The following TRIM26 variants were observed in gnomAD, a reference collection of about 807,000 sequenced individuals.
The protein encoded by TRIM26 is tripartite motif containing 26.
In TRIM26, 16 loss-of-function variants were observed where a neutral mutation model predicts 45.5. That is an observed-to-expected ratio of 0.35 (90% CI 0.24 to 0.53). TRIM26 has a LOEUF of 0.53. TRIM26 is among the 20% of genes least tolerant of loss of function. The probability of loss-of-function intolerance (pLI) is 0.92; values close to 1 mark genes in which losing one functional copy is unlikely to be tolerated. For missense variants in TRIM26, 442 were observed against 691.1 expected (o/e 0.64, Z 4.04); for synonymous variants, 273 against 290.4 (o/e 0.94, Z 0.61).
At position 30,190,110 on chromosome 6, in the gene TRIM26, T is replaced by C. The variant is rs190254962; in HGVS notation, c.766-75A>G. ...TTCAATGCATCTGCACCCAACACTG[T>C]AGCAGAGATGGGACATATCAGTGAA... On this transcript the variant is annotated intron_variant, in intron 6 of 9. Transcript: ENST00000454678. This position sits in a 1 kb window ranked among gnomAD's most constrained non-coding sequence, Gnocchi z 4.3. 4.0e-6 allele frequency: 6 copies of C among 1,485,904 alleles called. No homozygotes were observed. Among genetic ancestry groups the C allele is most frequent in the South Asian group, 1.1e-5 (1 of 87,338 alleles). The allele number at this position is 1,485,904 out of a possible 1,614,324, so 92.0% of individuals were successfully genotyped here.
rs1363796385 is a variant in TRIM26, at chr6:30,186,239, C to T, written c.1257G>A (p.Leu419=). ...DWETDEDEES[L]GDEEEEEEEE... The stretch of plus-strand genomic sequence containing the variant: ...CCTCCTCTTCTTCCTCTTCATCGCC[C>T]AACGATTCCTCATCTTCGTCCGTTT... The change falls in exon 10 of 10, where the codon TTG becomes TTA. Residue 419 remains leucine, a synonymous_variant. Coordinates refer to ENST00000454678, the MANE Select transcript of TRIM26 (RefSeq NM_003449.5). This position sits in a 1 kb window ranked among gnomAD's most constrained non-coding sequence, Gnocchi z 7.4. 3 of 1,600,068 alleles carry T rather than the reference C, an allele frequency of 1.9e-6. No individual in the cohort carries two copies. The highest frequency in any genetic ancestry group is 2.6e-6 in the Non-Finnish European group (3 of 1,173,058).
Position 30,189,855 on chromosome 6 carries a change from T to A in TRIM26, c.788+158A>T, listed in dbSNP as rs144407728. On this transcript the variant is annotated intron_variant, in intron 7 of 9. Transcript: ENST00000454678. The surrounding 1 kb of genome is among the most constrained non-coding windows in gnomAD (Gnocchi z 5.0). ...AGGAGAGCAAGTCTCCAGTTCTCAA[T>A]GATGTGTCCTGCTCCTCAGAAGGGC... is the stretch of plus-strand genomic sequence containing the variant. 1 of 828,082 alleles carries A rather than the reference T, an allele frequency of 1.2e-6. No homozygotes were observed. The allele number at this position is 828,082 out of a possible 1,614,324, so 51.3% of individuals were successfully genotyped here.
Position 30,190,140 on chromosome 6 carries a change from A to G in TRIM26, c.766-105T>C. On this transcript the variant is annotated intron_variant, in intron 6 of 9. Transcript: ENST00000454678. This position sits in a 1 kb window ranked among gnomAD's most constrained non-coding sequence, Gnocchi z 4.3. ...GAGATGGGACATATCAGTGAACAAA[A>G]CAAATGTGGTCCCTTTTTTATGGAG... The G allele has an allele frequency of 7.9e-7, 1 of 1,258,272 alleles. No homozygotes were observed. Among genetic ancestry groups the G allele is most frequent in the Non-Finnish European group, 1.1e-6 (1 of 875,284 alleles). The allele number at this position is 1,258,272 out of a possible 1,614,324, so 77.9% of individuals were successfully genotyped here.
intron 6 of TRIM26, among the ~76,000 whole-genome samples, chr6:30,195,050 C>T (rs1490380907): frequency 6.6e-6 from 1 of 152,178 alleles, no homozygotes; most frequent in Non-Finnish European, 1.5e-5. Context: ...CTCTCCCTTC[C>T]CTTGACCTTA....
Position 30,196,471 on chromosome 6 carries a change from C to T in TRIM26, c.765+45G>A. On this transcript the variant is annotated intron_variant, in intron 6 of 9. Transcript: ENST00000454678. The surrounding 1 kb of genome is among the most constrained non-coding windows in gnomAD (Gnocchi z 4.9). Reference sequence around the variant, plus strand: ...TGCAAGTGAATGGCAGGGCTGGGACCCACCGTCCTGGTCCCTGGCGCCCTG... The same window carrying T: ...TGCAAGTGAATGGCAGGGCTGGGACTCACCGTCCTGGTCCCTGGCGCCCTG... The T allele has an allele frequency of 6.3e-7, 1 of 1,579,710 alleles. No homozygotes were observed. The highest frequency in any genetic ancestry group is 8.6e-7 in the Non-Finnish European group (1 of 1,163,322).
At chr6:30,199,824 G>C (rs1776949559) in intron 3 of TRIM26, among the ~76,000 whole-genome samples, 1 of 152,094 alleles carries the variant, frequency 6.6e-6, no homozygotes, top group Non-Finnish European at 1.5e-5. Context: ...TTTTAGTAGA[G>C]ACGGGGTTTC....
intron 6 of TRIM26, among the ~76,000 whole-genome samples, chr6:30,195,223 C>A (rs760223806): frequency 2.6e-5 from 4 of 152,102 alleles, no homozygotes; most frequent in Admixed American, 2.0e-4. Context: ...CTCTGTTCCA[C>A]ACAGTAGGCA....
chr6:30,208,973 C>G (rs1159433259), intron 1 of TRIM26, among the ~76,000 whole-genome samples: 1 of 147,744 alleles, frequency 6.8e-6, no homozygotes, highest in African/African-American at 2.5e-5. Flanking sequence ...CAAAAGGAAA[C>G]AGCATGAGAC....
chr6:30,185,762 T>C lies in TRIM26; in HGVS notation c.*114A>G. The C allele has an allele frequency of 8.2e-7, 1 of 1,219,874 alleles. No homozygotes were observed. 75.6% of individuals were successfully genotyped at this position (1,219,874 alleles called of 1,614,324 possible). ...ATGGGGAGGTGGCTACCAGTGGATA[T>C]GGGGTCCCCTGCTCCAGGTGCTTAG... On this transcript the variant is annotated 3_prime_UTR_variant, in exon 10 of 10. Transcript: ENST00000454678. The surrounding 1 kb of genome is among the most constrained non-coding windows in gnomAD (Gnocchi z 5.7).
At chr6:30,192,618 A>G (rs1409815518) in intron 6 of TRIM26, among the ~76,000 whole-genome samples, 3 of 152,000 alleles carry the variant, frequency 2.0e-5, no homozygotes, top group Admixed American at 2.0e-4. Context: ...GGTTCAAGCA[A>G]TCTGCCTGCC....
In TRIM26 at chr6:30,198,702, C is replaced by A. The variant is rs183267280; in HGVS notation, c.402G>T (p.Thr134=). The change falls in exon 4 of 10, where the codon ACG becomes ACT. Residue 134 remains threonine (T), a synonymous_variant. Transcript: ENST00000454678. This position sits in a 1 kb window ranked among gnomAD's most constrained non-coding sequence, Gnocchi z 6.3. ...CRESREHRPH[T]AVLMEKAAQP... Reference sequence around the variant, plus strand: ...GGGCGGCCTTCTCCATGAGGACGGCCGTGTGGGGCCTGTGCTCCCGGGACT... The same window carrying A: ...GGGCGGCCTTCTCCATGAGGACGGCAGTGTGGGGCCTGTGCTCCCGGGACT... 1 of 1,605,000 alleles carries A rather than the reference C, an allele frequency of 6.2e-7. No individual in the cohort carries two copies. Among genetic ancestry groups the A allele is most frequent in the East Asian group, 2.2e-5 (1 of 44,844 alleles).
At chr6:30,210,526 T>C (rs1778179523) in intron 1 of TRIM26, among the ~76,000 whole-genome samples, 1 of 152,212 alleles carries the variant, frequency 6.6e-6, no homozygotes, top group Admixed American at 6.5e-5. Flanking sequence ...ATTTCTACAA[T>C]AGCACTATCA....
In TRIM26 at chr6:30,198,392, G is replaced by A. The variant is rs1344918319; in HGVS notation, c.534+37C>T. 5.0e-6 allele frequency: 8 copies of A among 1,609,780 alleles called. No individual in the cohort carries two copies. The highest frequency in any genetic ancestry group is 3.7e-4 in the Middle Eastern group (2 of 5,374). On this transcript the variant is annotated intron_variant, in intron 5 of 9. Coordinates refer to ENST00000454678, the MANE Select transcript of TRIM26 (RefSeq NM_003449.5). This position sits in a 1 kb window ranked among gnomAD's most constrained non-coding sequence, Gnocchi z 6.3. ...CAGGCTCACCCTGCCCTACACGGGC[G>A]CACCGCCTCAGGGCTTCCTGAAACA...
chr6:30,203,734 T>C (rs1346650593), intron 2 of TRIM26, among the ~76,000 whole-genome samples: 1 of 151,910 alleles, frequency 6.6e-6, no homozygotes, highest in Non-Finnish European at 1.5e-5. Flanking sequence ...CCTGTATTTC[T>C]AGGCAATGGA....
At position 30,198,185 on chromosome 6, in the gene TRIM26, G is replaced by A. The variant is rs191317280; in HGVS notation, c.534+244C>T. Among the ~76,000 whole-genome samples, 4 of 152,196 alleles carry A rather than the reference G, an allele frequency of 2.6e-5. No homozygotes were observed. Among genetic ancestry groups the A allele is most frequent in the Admixed American group, 6.5e-5 (1 of 15,282 alleles). ...CTTCAAGGTGACAGTCACAGAAAAC[G>A]GAAGGGACTCTAGCTGACATCCAGG... On this transcript the variant is annotated intron_variant, in intron 5 of 9. Coordinates refer to ENST00000454678, the MANE Select transcript of TRIM26 (RefSeq NM_003449.5). This position sits in a 1 kb window ranked among gnomAD's most constrained non-coding sequence, Gnocchi z 6.3.
intron 1 of TRIM26, among the ~76,000 whole-genome samples, chr6:30,205,492 T>C (rs1777632950): frequency 6.6e-6 from 1 of 152,178 alleles, no homozygotes; most frequent in Non-Finnish European, 1.5e-5. Context: ...AATTTCAAGA[T>C]GTGGATGCAT....
chr6:30,207,007 A>G lies in TRIM26; in HGVS notation c.-375-2242T>C, dbSNP rs1434952097. On this transcript the variant is annotated intron_variant, in intron 1 of 9. Coordinates refer to ENST00000454678, the MANE Select transcript of TRIM26 (RefSeq NM_003449.5). The surrounding 1 kb of genome is among the most constrained non-coding windows in gnomAD (Gnocchi z 4.9). Reference sequence around the variant, plus strand: ...CTGCACTTTGGTGCCTGGAAAATGAACTCTTCCCTGCCCATATGGAGTGCT... The same window carrying G: ...CTGCACTTTGGTGCCTGGAAAATGAGCTCTTCCCTGCCCATATGGAGTGCT... Among the ~76,000 whole-genome samples the G allele has an allele frequency of 6.6e-6, 1 of 152,118 alleles. No individual in the cohort carries two copies. Among genetic ancestry groups the G allele is most frequent in the Non-Finnish European group, 1.5e-5 (1 of 68,010 alleles).
At position 30,198,539 on chromosome 6, in the gene TRIM26, G is replaced by A. The variant is rs1289895724; in HGVS notation, c.439-15C>T. 3 of 1,612,804 alleles carry A rather than the reference G, an allele frequency of 1.9e-6. No homozygotes were observed. The highest frequency in any genetic ancestry group is 2.5e-6 in the Non-Finnish European group (3 of 1,179,890). Reference sequence around the variant, plus strand: ...AGGATTTTTTCCTGTGGAAAAACAAGCAGTGGCAACAGGTGGATGCTCTGG... The same window carrying A: ...AGGATTTTTTCCTGTGGAAAAACAAACAGTGGCAACAGGTGGATGCTCTGG... On this transcript the variant is annotated splice_polypyrimidine_tract_variant and intron_variant, in intron 4 of 9. Transcript: ENST00000454678. This position sits in a 1 kb window ranked among gnomAD's most constrained non-coding sequence, Gnocchi z 6.3.
intron 6 of TRIM26, among the ~76,000 whole-genome samples, chr6:30,191,035 G>A (rs1329018920): frequency 6.6e-6 from 1 of 152,194 alleles, no homozygotes; most frequent in Non-Finnish European, 1.5e-5. Flanking sequence ...GGAGGCTTTT[G>A]CCGTGGACCA....
Sources: allele counts gnomAD v4.1 joint callset (sites outside exome capture counted in the v4.1 genomes callset), GRCh38; gene constraint gnomAD v4.1.1; non-coding constraint Gnocchi (gnomAD v3.1); transcripts MANE v1.5; gene names NCBI Gene and HGNC (gene_info 2026-07-23, HGNC 2026-07-21).